UNC13A: variants seen among roughly 807,000 people sequenced by gnomAD.
UNC13A encodes protein unc-13 homolog A.
Under a neutral mutation model 219.7 loss-of-function variants are expected in UNC13A, and 61 were observed. The observed-to-expected ratio is 0.28, with a 90% CI of 0.23 to 0.34. The LOEUF is 0.34. Ranked by LOEUF, UNC13A falls within the 10% of genes least tolerant of loss-of-function variation. UNC13A has a pLI of 1.00. For missense variants in UNC13A, 1,476 were observed against 2,270.3 expected, an observed-to-expected ratio of 0.65 and a Z score of 7.11; for synonymous variants, 920 against 884.6, an observed-to-expected ratio of 1.04 and a Z score of -0.71.
rs1302384573 is a variant in UNC13A, at chr19:17,649,094, G to T, written c.1525-111C>A. 1 of 1,286,656 alleles carries T rather than the reference G, an allele frequency of 7.8e-7. No individual in the cohort carries two copies. The highest frequency in any genetic ancestry group is 1.1e-6 in the Non-Finnish European group (1 of 929,314). 79.7% of individuals were successfully genotyped at this position (1,286,656 alleles called of 1,614,324 possible). On this transcript the variant is annotated intron_variant, in intron 14 of 43. Transcript: ENST00000519716. This position sits in a 1 kb window ranked among gnomAD's most constrained non-coding sequence, Gnocchi z 4.4. ...GCAGCCACATTTTGGAGCCACAACC[G>T]CAAGTTGGAAACAGGTCACCGACAG...
intron 25 of UNC13A, among the ~76,000 whole-genome samples, chr19:17,637,715 T>C (rs2076927381): frequency 1.3e-5 from 2 of 151,180 alleles, no homozygotes; most frequent in Non-Finnish European, 2.9e-5. Context: ...CAAATGAGAG[T>C]GAGACTGATT....
At chr19:17,677,798 T>C (rs1454635810) in intron 1 of UNC13A, among the ~76,000 whole-genome samples, 5 of 152,212 alleles carry the variant, frequency 3.3e-5, no homozygotes, top group Admixed American at 1.3e-4. Flanking sequence ...TAAAGCTCTT[T>C]CCATCCCAGC....
rs2079865828 is a variant in UNC13A at position 17,674,805 on chromosome 19, A to G, written c.53-49T>C. On this transcript the variant is annotated intron_variant, in intron 2 of 43. Coordinates refer to ENST00000519716, the MANE Select transcript of UNC13A (RefSeq NM_001080421.3). This position sits in a 1 kb window ranked among gnomAD's most constrained non-coding sequence, Gnocchi z 5.0. ...AGCGCTGGGGCTCAGGGACTCTCCA[A>G]TGCCCCTTCCCAAGCTCTAGACCAT... 4 of 1,488,524 alleles carry G rather than the reference A, an allele frequency of 2.7e-6. No individual in the cohort carries two copies. The highest frequency in any genetic ancestry group is 1.4e-5 in the African/African-American group (1 of 72,432). The allele number at this position is 1,488,524 out of a possible 1,614,324, so 92.2% of individuals were successfully genotyped here.
intron 26 of UNC13A, among the ~76,000 whole-genome samples, chr19:17,635,583 C>A (rs1424238490): frequency 3.9e-5 from 6 of 152,116 alleles, no homozygotes; most frequent in Non-Finnish European, 7.3e-5. Flanking sequence ...TGATTTTACA[C>A]ATATACAAAT....
chr19:17,653,149 C>T (rs755792933), intron 11 of UNC13A, among the ~76,000 whole-genome samples: 1 of 151,948 alleles, frequency 6.6e-6, no homozygotes, highest in East Asian at 1.9e-4. Flanking sequence ...CTATGAGGAA[C>T]ACAGGCAGCA....
intron 34 of UNC13A, chr19:17,626,338 C>T: frequency 3.0e-6 from 1 of 329,362 alleles, no homozygotes; most frequent in South Asian, 6.8e-5. Flanking sequence ...TCTATCCTCC[C>T]TCTATCCTTC....
At chr19:17,663,775 CTGTT>C (rs971643594) in intron 7 of UNC13A, among the ~76,000 whole-genome samples, 1 of 151,704 alleles carries the variant, frequency 6.6e-6, no homozygotes, top group Non-Finnish European at 1.5e-5. Context: ...TGGGATATCC[CTGTT>C]TGTTTATTTT....
intron 41 of UNC13A, among the ~76,000 whole-genome samples, chr19:17,617,283 C>A (rs1165070924): frequency 6.6e-6 from 1 of 152,164 alleles, no homozygotes; most frequent in Non-Finnish European, 1.5e-5. Context: ...GGACCCATGA[C>A]TGTCCAGGTC....
chr19:17,617,578 C>T, intron 41 of UNC13A, 124 bp downstream of exon 41: 1 of 1,402,076 alleles, frequency 7.1e-7, no homozygotes, highest in East Asian at 2.3e-5. Context: ...GGACTTGGTG[C>T]AGAGATGTCA....
rs778715910 is a variant in UNC13A at position 17,658,140 on chromosome 19, G to A, written c.689C>T (p.Pro230Leu). The A allele has an allele frequency of 1.2e-6, 2 of 1,613,918 alleles. No homozygotes were observed. Among genetic ancestry groups the A allele is most frequent in the Non-Finnish European group, 1.7e-6 (2 of 1,179,880 alleles). ...NASVHQYSVR[P>L]PPLGSRESYS... ...GGACTCCCGGGAGCCCAGGGGTGGT[G>A]GGCGAACAGAATATTGGTGGACTGA... Residue 230 changes from proline to leucine, a missense_variant, in exon 9 of 44, where the codon CCA becomes CTA. Transcript: ENST00000519716.
At position 17,674,442 on chromosome 19, in the gene UNC13A, C is replaced by T. The variant is rs1033120518; in HGVS notation, c.152+215G>A. Among the ~76,000 whole-genome samples, 4 of 152,082 alleles carry T rather than the reference C, an allele frequency of 2.6e-5. No homozygotes were observed. The highest frequency in any genetic ancestry group is 4.8e-5 in the African/African-American group (2 of 41,392). On this transcript the variant is annotated intron_variant, in intron 3 of 43. Transcript: ENST00000519716. This position sits in a 1 kb window ranked among gnomAD's most constrained non-coding sequence, Gnocchi z 5.0. ...CACAGGAGGCCAGGGCGGAGGCTGG[C>T]GGGCAGCAGGGACTTGGCTGGTGGC... is the stretch of plus-strand genomic sequence containing the variant.
In UNC13A at chr19:17,602,255, C is replaced by T. The variant is rs1473676175; in HGVS notation, c.*3799G>A. Reference sequence around the variant, plus strand: ...CCCTCTTTACTTCCCCCGACACTCCCTGCCTTGGTCTCTGCATTTATCTTT... The same window carrying T: ...CCCTCTTTACTTCCCCCGACACTCCTTGCCTTGGTCTCTGCATTTATCTTT... On this transcript the variant is annotated 3_prime_UTR_variant, in exon 44 of 44. Transcript: ENST00000519716. 6.5e-6 allele frequency: 1 copy of T among 152,794 alleles called. No individual in the cohort carries two copies. Among genetic ancestry groups the T allele is most frequent in the Non-Finnish European group, 1.5e-5 (1 of 68,208 alleles). The allele number at this position is 152,794 out of a possible 1,614,324, so 9.5% of individuals were successfully genotyped here. A position where few individuals can be genotyped will look rare whatever the true frequency, so the allele number is the denominator to read the frequency against.
chr19:17,630,580 C>T, intron 29 of UNC13A, 74 bp downstream of exon 29: 1 of 1,538,728 alleles, frequency 6.5e-7, no homozygotes, highest in Non-Finnish European at 9.0e-7. Context: ...CTGGCCTCAT[C>T]TCAAGGGCAA....
intron 30 of UNC13A, among the ~76,000 whole-genome samples, chr19:17,629,898 C>G (rs1352786221): frequency 2.5e-5 from 3 of 119,404 alleles, no homozygotes; most frequent in Non-Finnish European, 5.7e-5. Context: ...AATCTCAACT[C>G]CAATCTCAAT....
At position 17,601,604 on chromosome 19, in the gene UNC13A, G is replaced by C. The variant is rs958179902; in HGVS notation, c.*4450C>G. ...TCACATGCTAAGAGTTGTGTGGAGG[G>C]GAAGCCTCCCCGGACTGCTTGGCCG... On this transcript the variant is annotated 3_prime_UTR_variant, in exon 44 of 44. Transcript: ENST00000519716. 6.6e-6 allele frequency: 1 copy of C among 152,276 alleles called. No homozygotes were observed. The highest frequency in any genetic ancestry group is 1.5e-5 in the Non-Finnish European group (1 of 68,040). 9.4% of individuals were successfully genotyped at this position (152,276 alleles called of 1,614,324 possible).
chr19:17,675,452 C>T (rs1321665673), intron 2 of UNC13A, among the ~76,000 whole-genome samples: 2 of 151,436 alleles, frequency 1.3e-5, no homozygotes, highest in Admixed American at 6.6e-5. Context: ...GCCAACATGG[C>T]GAAACCCCAT....
chr19:17,636,944 A>G (rs1192362479), intron 25 of UNC13A, among the ~76,000 whole-genome samples: 3 of 152,068 alleles, frequency 2.0e-5, no homozygotes, highest in Admixed American at 1.3e-4. Context: ...ATAAAACTCA[A>G]TGCAATCAAC....
chr19:17,631,279 G>A (rs185210535), intron 28 of UNC13A, among the ~76,000 whole-genome samples: 164 of 144,470 alleles, frequency 1.1e-3, no homozygotes, highest in Middle Eastern at 0.011. Flanking sequence ...AAAGTGCAGT[G>A]GTGCGATCAC....
intron 1 of UNC13A, among the ~76,000 whole-genome samples, chr19:17,684,757 A>G (rs1165403885): frequency 6.6e-6 from 1 of 152,232 alleles, no homozygotes; most frequent in African/African-American, 2.4e-5. Context: ...GCCTGCCTCT[A>G]CATGGATATG....
Sources: gnomAD v4.1 joint callset for allele counts (sites outside exome capture counted in the v4.1 genomes callset) on GRCh38, gnomAD v4.1.1 for gene constraint, Gnocchi (gnomAD v3.1) non-coding constraint, MANE v1.5 for transcripts, NCBI Gene and HGNC (gene_info 2026-07-23, HGNC 2026-07-21) for gene names.